Variants in PPP1R13B observed in about 807,000 individuals in gnomAD.
PPP1R13B encodes protein phosphatase 1 regulatory subunit 13B, also known as apoptosis-stimulating of p53 protein 1.
Under a neutral mutation model 119.8 loss-of-function variants are expected in PPP1R13B, and 44 were observed. The ratio of observed to expected loss-of-function variants is 0.37; its 90% CI spans 0.29 to 0.47. The LOEUF is 0.47. Ranked by LOEUF, PPP1R13B falls within the 20% of genes least tolerant of loss-of-function variation. The pLI, the probability that PPP1R13B is intolerant of heterozygous loss-of-function variation, is 0.99. For missense variants in PPP1R13B, 1,227 were observed against 1,413.5 expected, an observed-to-expected ratio of 0.87 and a Z score of 2.12; for synonymous variants, 542 against 561.5, an observed-to-expected ratio of 0.97 and a Z score of 0.49.
chr14:103,838,962 A>G (rs1253903215), intron 1 of PPP1R13B, among the ~76,000 whole-genome samples: 3 of 152,138 alleles, frequency 2.0e-5, no homozygotes, highest in Non-Finnish European at 4.4e-5. Flanking sequence ...AGAACTACTT[A>G]CGATGCAATA....
At chr14:103,811,674 T>G (rs2086159090) in intron 1 of PPP1R13B, among the ~76,000 whole-genome samples, 1 of 150,766 alleles carries the variant, frequency 6.6e-6, no homozygotes, top group South Asian at 2.1e-4. Flanking sequence ...GGCACAAGAG[T>G]GAGACCGTCA....
chr14:103,733,659 A>AACAT lies in PPP1R13B; in HGVS notation c.*1491_*1494dup, dbSNP rs1320452165. On this transcript the variant is annotated 3_prime_UTR_variant, in exon 17 of 17. Coordinates refer to ENST00000202556, the MANE Select transcript of PPP1R13B (RefSeq NM_015316.3). ...AAGCTTATGATTAAAAACTATTTTG[A>AACAT]ACATACGGACAAGGCCTCGCCTTCC... 4 of 152,642 alleles carry AACAT rather than the reference A, an allele frequency of 2.6e-5. No individual in the cohort carries two copies. The highest frequency in any genetic ancestry group is 9.6e-5 in the African/African-American group (4 of 41,454). The allele number at this position is 152,642 out of a possible 1,614,324, so 9.5% of individuals were successfully genotyped here.
intron 3 of PPP1R13B, among the ~76,000 whole-genome samples, chr14:103,781,111 A>G (rs1484838364): frequency 6.6e-6 from 1 of 152,058 alleles, no homozygotes; most frequent in African/African-American, 2.4e-5. Context: ...CCCGTTTCCA[A>G]ACTTTATAAA....
At chr14:103,823,834 A>T (rs2086469688) in intron 1 of PPP1R13B, among the ~76,000 whole-genome samples, 1 of 124,306 alleles carries the variant, frequency 8.0e-6, no homozygotes, top group Admixed American at 7.6e-5. Context: ...ATACACTTTA[A>T]AAAAAAAAGT....
At chr14:103,750,340 A>G (rs2084508704) in intron 7 of PPP1R13B, among the ~76,000 whole-genome samples, 1 of 152,254 alleles carries the variant, frequency 6.6e-6, no homozygotes, top group African/African-American at 2.4e-5. Context: ...GGATGGCCTG[A>G]GTCACCAAGT....
chr14:103,754,544 AGAGT>A (rs1249873480), intron 5 of PPP1R13B, among the ~76,000 whole-genome samples: 1 of 133,132 alleles, frequency 7.5e-6, no homozygotes, highest in East Asian at 2.4e-4. Context: ...CCTGGGTGCC[AGAGT>A]GAGACTCAGT....
intron 1 of PPP1R13B, among the ~76,000 whole-genome samples, chr14:103,827,251 G>T (rs1340721651): frequency 6.6e-6 from 1 of 151,968 alleles, no homozygotes; most frequent in African/African-American, 2.4e-5. Context: ...CAGGAGAATG[G>T]TGTGAACCCG....
chr14:103,804,903 C>T (rs888084160), intron 1 of PPP1R13B, among the ~76,000 whole-genome samples: 2 of 152,198 alleles, frequency 1.3e-5, no homozygotes, highest in Non-Finnish European at 2.9e-5. Flanking sequence ...GTGGCTCAAT[C>T]TCAGCTCACT....
chr14:103,784,860 G>A lies in PPP1R13B; in HGVS notation c.212C>T (p.Pro71Leu). 6.2e-7 allele frequency: 1 copy of A among 1,607,966 alleles called. No individual in the cohort carries two copies. The highest frequency in any genetic ancestry group is 8.5e-7 in the Non-Finnish European group (1 of 1,175,596). Reference protein sequence around the residue: ...MMYEHLQKWGPRREEVKFFLR... With the variant: ...MMYEHLQKWGLRREEVKFFLR... ...GAAAAATTTCACTTCTTCCCTCCGT[G>A]GACCCCATTTCTGAAGATGTTCGTA... The change falls in exon 3 of 17, where the codon CCA (proline) becomes CTA (leucine). Residue 71 changes from proline to leucine, a missense_variant. Transcript: ENST00000202556.
intron 1 of PPP1R13B, among the ~76,000 whole-genome samples, chr14:103,844,423 T>C (rs1171194036): frequency 6.6e-6 from 1 of 152,028 alleles, no homozygotes; most frequent in African/African-American, 2.4e-5. Context: ...TAGTACACCA[T>C]GTGATTAATT....
rs189078040 is a variant in PPP1R13B at position 103,812,972 on chromosome 14, G to A, written c.10-15454C>T. 3.7e-4 allele frequency among the ~76,000 whole-genome samples: 56 copies of A among 152,296 alleles called. No individual in the cohort carries two copies. In the East Asian group the frequency reaches 0.01, roughly 28 times the overall value. On this transcript the variant is annotated intron_variant, in intron 1 of 16. Transcript: ENST00000202556. ...GCAGTTGGGAATACAAAATGGTACA[G>A]CCATGTTGGAAGACAGTTTGGTGGC...
At chr14:103,823,302 G>A (rs2086456181) in intron 1 of PPP1R13B, among the ~76,000 whole-genome samples, 1 of 151,376 alleles carries the variant, frequency 6.6e-6, no homozygotes, top group Admixed American at 6.6e-5. Context: ...TCGCGCCACT[G>A]CACTTCAGCC....
chr14:103,811,096 A>AC (rs2086144589), intron 1 of PPP1R13B, among the ~76,000 whole-genome samples: 1 of 48,940 alleles, frequency 2.0e-5, no homozygotes. Flanking sequence ...CTCCTCCTCA[A>AC]AAAAAAAAAA....
rs397762490 is a variant in PPP1R13B at position 103,799,617 on chromosome 14, G to GTTT, written c.10-2102_10-2100dup. 6.2e-3 allele frequency among the ~76,000 whole-genome samples: 879 copies of GTTT among 141,150 alleles called. 13 individuals are homozygous for GTTT. Among genetic ancestry groups the GTTT allele is most frequent in the African/African-American group, 0.021 (827 of 38,952 alleles). 92.6% of individuals were successfully genotyped at this position (141,150 alleles called of 152,430 possible). A position where few individuals can be genotyped will look rare whatever the true frequency, so the allele number is the denominator to read the frequency against. On this transcript the variant is annotated intron_variant, in intron 1 of 16. Coordinates refer to ENST00000202556, the MANE Select transcript of PPP1R13B (RefSeq NM_015316.3). ...CGTGAGCCACTGTGCCGGGTTTTTT[G>GTTT]TTTTTTTTTTTTTTAATTTCAAAAA...
chr14:103,809,680 G>A (rs1390076396), intron 1 of PPP1R13B, among the ~76,000 whole-genome samples: 1 of 151,850 alleles, frequency 6.6e-6, no homozygotes, highest in Admixed American at 6.5e-5. Flanking sequence ...AAATTAGCCA[G>A]GCATGGTAGT....
At chr14:103,818,537 T>C in intron 1 of PPP1R13B, 1 of 973,344 alleles carries the variant, frequency 1.0e-6, no homozygotes, top group Non-Finnish European at 1.2e-6. Flanking sequence ...AGACAAATCA[T>C]ACACCAGTTG....
In PPP1R13B at chr14:103,754,225, A is replaced by G. The variant is rs2084620574; in HGVS notation, c.476T>C (p.Leu159Pro). Residue 159 changes from leucine to proline, a missense_variant, in exon 6 of 17, where the codon CTA becomes CCA. By Grantham distance (98) the Leu-to-Pro change is moderately conservative (BLOSUM62 -3). Coordinates refer to ENST00000202556, the MANE Select transcript of PPP1R13B (RefSeq NM_015316.3). ...CTGCTGACGGCGCTCCTGTTGCTTT[A>G]GAAAATGTAAACGCTGTTCCTAACA... ...LVAKEQRLHF[L>P]KQQERRQQQS... 6.2e-7 allele frequency: 1 copy of G among 1,612,590 alleles called. No homozygotes were observed.
chr14:103,755,890 C>T (rs552506995), intron 5 of PPP1R13B, among the ~76,000 whole-genome samples: 1 of 152,010 alleles, frequency 6.6e-6, no homozygotes, highest in Admixed American at 6.5e-5. Flanking sequence ...AATATTGAGA[C>T]AACTTTTTAA....
At chr14:103,799,414 A>G (rs1289743216) in intron 1 of PPP1R13B, among the ~76,000 whole-genome samples, 4 of 151,020 alleles carry the variant, frequency 2.6e-5, no homozygotes, top group South Asian at 2.1e-4. Context: ...TCCTGACCTC[A>G]TGATCCGCCC....
Sources: gnomAD v4.1 joint callset for allele counts (sites outside exome capture counted in the v4.1 genomes callset) on GRCh38, gnomAD v4.1.1 for gene constraint, MANE v1.5 for transcripts, NCBI Gene and HGNC (gene_info 2026-07-23, HGNC 2026-07-21) for gene names.